Variants in MAP3K7CL observed in about 807,000 individuals in gnomAD.
The protein encoded by MAP3K7CL is MAP3K7 C-terminal-like protein.
MAP3K7CL carries 16 observed loss-of-function variants against 18.6 expected under a neutral mutation model. That is an observed-to-expected ratio of 0.86 (90% CI 0.58 to 1.31). The LOEUF (loss-of-function observed/expected upper bound fraction) is 1.31, where lower values mean the gene tolerates loss of function less well. MAP3K7CL is among the 50% of genes most tolerant of loss of function. MAP3K7CL has a pLI of 0.00. For synonymous variants in MAP3K7CL, 65 were observed against 66.8 expected (o/e 0.97, Z 0.13); for missense variants, 163 against 174.4 (o/e 0.93, Z 0.37).
chr21:29,169,146 AT>A (rs1367160021), intron 4 of MAP3K7CL, among the ~76,000 whole-genome samples: 2 of 152,236 alleles, frequency 1.3e-5, no homozygotes, highest in African/African-American at 4.8e-5. Context: ...ACGCCAATGT[AT>A]AGACAGTGCC....
chr21:29,143,871 C>A lies in MAP3K7CL; in HGVS notation c.71-5318C>A, dbSNP rs144673528. 2.2e-3 allele frequency among the ~76,000 whole-genome samples: 338 copies of A among 152,232 alleles called. 1 individual carries two copies. The highest frequency in any genetic ancestry group is 7.7e-3 in the African/African-American group (320 of 41,536). ...AGAACAGTGGTTCTCAAAACCTGGT[C>A]TGGCTTTGATGAAGTTTTCACCCCT... On this transcript the variant is annotated intron_variant, in intron 2 of 4. Coordinates refer to ENST00000399928, the MANE Select transcript of MAP3K7CL (RefSeq NM_001286620.2).
chr21:29,122,891 T>A (rs1428658098), intron 4 of MAP3K7CL, among the ~76,000 whole-genome samples: 1 of 152,194 alleles, frequency 6.6e-6, no homozygotes, highest in Non-Finnish European at 1.5e-5. Flanking sequence ...ATCAATTGTA[T>A]TTTAAATTTG....
intron 4 of MAP3K7CL, among the ~76,000 whole-genome samples, chr21:29,162,658 G>A (rs557308025): frequency 1.3e-5 from 2 of 149,610 alleles, no homozygotes; most frequent in East Asian, 4.0e-4. Flanking sequence ...ACTCCAGCCT[G>A]GGCAACAAGA....
chr21:29,086,657 A>G (rs529578108), intron 1 of MAP3K7CL, among the ~76,000 whole-genome samples: 6 of 152,340 alleles, frequency 3.9e-5, no homozygotes, highest in South Asian at 4.1e-4. Flanking sequence ...GGCAAGAAAT[A>G]TAGTAAAGCC....
At chr21:29,147,936 C>T (rs2087176301) in intron 2 of MAP3K7CL, among the ~76,000 whole-genome samples, 1 of 148,918 alleles carries the variant, frequency 6.7e-6, no homozygotes, top group African/African-American at 2.5e-5. Flanking sequence ...GTGTATGTAT[C>T]TGTACTGTAT....
chr21:29,137,799 A>G (rs191512196), intron 2 of MAP3K7CL, among the ~76,000 whole-genome samples: 12 of 152,312 alleles, frequency 7.9e-5, no homozygotes, highest in Admixed American at 4.6e-4. Context: ...TACCAAGTCA[A>G]TCTTCAAAGT....
At chr21:29,112,141 C>CA in intron 4 of MAP3K7CL, among the ~76,000 whole-genome samples, 1 of 151,954 alleles carries the variant, frequency 6.6e-6, no homozygotes, top group South Asian at 2.1e-4. Flanking sequence ...TACTAAAATA[C>CA]AAAAAAATTA....
chr21:29,082,775 G>A (rs2085857660), upstream of MAP3K7CL, among the ~76,000 whole-genome samples: 1 of 152,138 alleles, frequency 6.6e-6, no homozygotes, highest in Admixed American at 6.5e-5. Flanking sequence ...TAAAACCCCA[G>A]TCCCTGCTTT....
intron 2 of MAP3K7CL, among the ~76,000 whole-genome samples, chr21:29,148,645 C>T (rs1469132556): frequency 7.2e-5 from 11 of 152,084 alleles, no homozygotes; most frequent in East Asian, 1.9e-4. Flanking sequence ...TGGAAAGAAA[C>T]GCCCCATTTG....
intron 1 of MAP3K7CL, among the ~76,000 whole-genome samples, chr21:29,132,991 C>A (rs188124145): frequency 6.6e-6 from 1 of 152,138 alleles, no homozygotes; most frequent in African/African-American, 2.4e-5. Flanking sequence ...CTTTATATGA[C>A]CTTAAAGAGG....
In MAP3K7CL at chr21:29,085,918, G is replaced by C; in HGVS notation, c.57+1G>C. The C allele has an allele frequency of 6.2e-7, 1 of 1,614,088 alleles. No homozygotes were observed. The highest frequency in any genetic ancestry group is 1.6e-4 in the Middle Eastern group (1 of 6,062). On this transcript the variant is annotated splice_donor_variant, in intron 1 of 6. Transcript: ENST00000286791. LOFTEE classifies it high-confidence loss of function. ...GTGGAACGAGGCAGCAGATCTTAAG[G>C]TATGTCCGCCTTCCCCCAACCCCTT... is the stretch of plus-strand genomic sequence containing the variant.
intron 3 of MAP3K7CL, among the ~76,000 whole-genome samples, chr21:29,154,231 C>T (rs546155910): frequency 1.3e-5 from 2 of 152,124 alleles, no homozygotes; most frequent in Non-Finnish European, 2.9e-5. Flanking sequence ...ATTTCATTCT[C>T]TGGTGAAATT....
chr21:29,095,363 G>A (rs758524796), intron 4 of MAP3K7CL, among the ~76,000 whole-genome samples: 2 of 152,114 alleles, frequency 1.3e-5, no homozygotes, highest in Non-Finnish European at 2.9e-5. Flanking sequence ...AGCCTTTTGT[G>A]TGGGGCAGGG....
chr21:29,091,533 T>C (rs1568929344), exon 2 of MAP3K7CL: 2 of 701,106 alleles, frequency 2.9e-6, no homozygotes, highest in Non-Finnish European at 5.2e-6. Context: ...TGGAATGCAG[T>C]GGTGGAATCA....
At chr21:29,102,250 G>C (rs528712913) in intron 4 of MAP3K7CL, among the ~76,000 whole-genome samples, 208 of 152,310 alleles carry the variant, frequency 1.4e-3, no homozygotes, top group African/African-American at 4.6e-3. Context: ...TTCTTGTGCA[G>C]TGCACAAAAG....
At chr21:29,116,752 T>C (rs1032368342) in intron 4 of MAP3K7CL, among the ~76,000 whole-genome samples, 37 of 152,176 alleles carry the variant, frequency 2.4e-4, no homozygotes, top group African/African-American at 8.4e-4. Flanking sequence ...GCATGCTAAT[T>C]AGGCTCTTCA....
At chr21:29,080,694 A>G (rs2085821561) in intron 1 of MAP3K7CL, 1 of 152,052 alleles carries the variant, frequency 6.6e-6, no homozygotes, top group South Asian at 2.1e-4. Flanking sequence ...GATCATTCGT[A>G]GTGTAGCCCC....
At chr21:29,085,752 GT>G, upstream of MAP3K7CL, 1 of 1,059,452 alleles carries the variant, frequency 9.4e-7, no homozygotes, top group South Asian at 1.3e-5. Flanking sequence ...TGGTTAGTAT[GT>G]TGTTTGAAGG....
At chr21:29,092,836 G>C (rs1471075421) in intron 4 of MAP3K7CL, among the ~76,000 whole-genome samples, 1 of 152,214 alleles carries the variant, frequency 6.6e-6, no homozygotes, top group Non-Finnish European at 1.5e-5. Flanking sequence ...GTTCGACTGT[G>C]CTGTTTTTTT....
Sources: allele counts gnomAD v4.1 joint callset (sites outside exome capture counted in the v4.1 genomes callset), GRCh38; gene constraint gnomAD v4.1.1; transcripts MANE v1.5; gene names NCBI Gene and HGNC (gene_info 2026-07-23, HGNC 2026-07-21).